EP400: variants seen among roughly 807,000 people sequenced by gnomAD.
EP400 encodes the protein E1A binding protein p400.
EP400 carries 105 observed loss-of-function variants against 354.1 expected under a neutral mutation model. The ratio of observed to expected loss-of-function variants is 0.30; its 90% CI spans 0.25 to 0.35. The LOEUF is 0.35. Among genes scored for constraint, EP400 ranks in the 10% least tolerant of loss-of-function variants. The pLI, the probability that EP400 is intolerant of heterozygous loss-of-function variation, is 1.00. For synonymous variants in EP400, 1,646 were observed against 1,716.9 expected (o/e 0.96, Z 1.02); for missense variants, 3,280 against 4,121.0 (o/e 0.80, Z 5.59).
At chr12:132,021,662 G>T (rs561540145) in intron 23 of EP400, among the ~76,000 whole-genome samples, 1 of 152,358 alleles carries the variant, frequency 6.6e-6, no homozygotes, top group East Asian at 1.9e-4. Flanking sequence ...GGTGCACTCT[G>T]GGGGAGCAGA....
At chr12:131,962,098 T>A in intron 2 of EP400, 144 bp downstream of exon 2, 1 of 1,156,192 alleles carries the variant, frequency 8.6e-7, no homozygotes, top group Non-Finnish European at 1.2e-6. Context: ...GACCCATAAG[T>A]AAAAGTGAAG....
Position 132,015,241 on chromosome 12 carries a change from G to A in EP400, c.3923+1328G>A, listed in dbSNP as rs769737045. On this transcript the variant is annotated intron_variant, in intron 19 of 52. Transcript: ENST00000389561. ...TACAACCGTCCTTTCTCCAAGAGGC[G>A]GAGCAGTGGAGCAGCACTTCATTCC... is the stretch of plus-strand genomic sequence containing the variant. Among the ~76,000 whole-genome samples, 9 of 152,340 alleles carry A rather than the reference G, an allele frequency of 5.9e-5. No individual in the cohort carries two copies. In the South Asian group the frequency reaches 6.2e-4, roughly 11 times the overall value.
At chr12:131,991,495 T>TGTGTGTGTG in intron 10 of EP400, 39 bp downstream of exon 10, 1 of 1,594,992 alleles carries the variant, frequency 6.3e-7, no homozygotes, top group African/African-American at 1.3e-5. Flanking sequence ...TGAGAAGGAG[T>TGTGTGTGTG]AGAAGCAGCT....
intron 25 of EP400, among the ~76,000 whole-genome samples, chr12:132,026,611 T>C (rs1253644997): frequency 6.6e-6 from 1 of 152,134 alleles, no homozygotes. Flanking sequence ...CCAGGCATCT[T>C]GGGGATTCCA....
At chr12:132,045,242 C>G (rs1895051742) in intron 37 of EP400, 77 bp from the exon 38 acceptor site, 1 of 1,573,660 alleles carries the variant, frequency 6.4e-7, no homozygotes, top group African/African-American at 1.4e-5. Context: ...CTTGCCTGAC[C>G]TGTTTCCTTT....
intron 45 of EP400, among the ~76,000 whole-genome samples, chr12:132,059,830 C>T (rs556628612): frequency 2.6e-5 from 4 of 151,750 alleles, no homozygotes; most frequent in African/African-American, 9.7e-5. Context: ...TTCTGGCTAA[C>T]ACGGTGAAAC....
rs146160103 is a variant in EP400, at chr12:132,046,398, G to A, written c.7200+498G>A. ...AGGTTTTGGGTGAATGAAAAGATAA[G>A]TTGATAAGCTGTCTCGCTTTGTTTT... On this transcript the variant is annotated intron_variant, in intron 39 of 52. Transcript: ENST00000389561. 1.4e-4 allele frequency among the ~76,000 whole-genome samples: 21 copies of A among 152,288 alleles called. No individual in the cohort carries two copies. In the East Asian group the frequency reaches 3.9e-3, roughly 28 times the overall value.
At position 132,013,236 on chromosome 12, in the gene EP400, C is replaced by G. The variant is rs1293219631; in HGVS notation, c.3611+58C>G. 1 of 1,543,776 alleles carries G rather than the reference C, an allele frequency of 6.5e-7. No individual in the cohort carries two copies. The highest frequency in any genetic ancestry group is 8.8e-7 in the Non-Finnish European group (1 of 1,141,840). The stretch of plus-strand genomic sequence containing the variant: ...CTTTGCTGTTGATGTAGAAGATTCT[C>G]TTGAAGAAATCTGCATAATTGCAGA... On this transcript the variant is annotated intron_variant, in intron 17 of 52. Transcript: ENST00000389561. The surrounding 1 kb of genome is among the most constrained non-coding windows in gnomAD (Gnocchi z 4.5).
intron 2 of EP400, among the ~76,000 whole-genome samples, chr12:131,965,643 C>T (rs1030533527): frequency 5.3e-5 from 8 of 152,168 alleles, no homozygotes; most frequent in African/African-American, 1.9e-4. Flanking sequence ...ACCCTTCACG[C>T]CTCCCTTGAC....
intron 16 of EP400, among the ~76,000 whole-genome samples, chr12:132,012,095 A>C (rs938337491): frequency 6.6e-6 from 1 of 152,206 alleles, no homozygotes; most frequent in African/African-American, 2.4e-5. Flanking sequence ...TCTGCCCTAT[A>C]GTTTCTAGTA....
intron 47 of EP400, among the ~76,000 whole-genome samples, chr12:132,063,684 G>T (rs963219990): frequency 6.6e-6 from 1 of 152,140 alleles, no homozygotes; most frequent in Non-Finnish European, 1.5e-5. Flanking sequence ...GGGAGGAAGT[G>T]GGCTGCAGGA....
intron 41 of EP400, among the ~76,000 whole-genome samples, chr12:132,051,598 C>T (rs961835202): frequency 5.3e-5 from 8 of 152,170 alleles, no homozygotes; most frequent in Non-Finnish European, 1.0e-4. Flanking sequence ...TTCTGCTTAT[C>T]GGAGACTTTT....
intron 39 of EP400, among the ~76,000 whole-genome samples, chr12:132,047,511 C>G (rs1375100093): frequency 6.6e-6 from 1 of 152,136 alleles, no homozygotes; most frequent in African/African-American, 2.4e-5. Context: ...GTGATGCCCC[C>G]TGAGCAGTAA....
At chr12:132,026,287 C>T (rs963405316) in intron 25 of EP400, among the ~76,000 whole-genome samples, 5 of 152,222 alleles carry the variant, frequency 3.3e-5, no homozygotes, top group Admixed American at 1.3e-4. Context: ...GTGGTGTGTC[C>T]TCTGGAACCC....
At chr12:131,974,281 T>G (rs1892393794) in intron 2 of EP400, among the ~76,000 whole-genome samples, 1 of 151,826 alleles carries the variant, frequency 6.6e-6, no homozygotes, top group African/African-American at 2.4e-5. Context: ...GCCTGGCCAG[T>G]TTTTTAATTT....
chr12:131,981,237 G>A (rs1024760177), intron 3 of EP400, among the ~76,000 whole-genome samples: 8 of 152,256 alleles, frequency 5.3e-5, no homozygotes, highest in African/African-American at 9.6e-5. Flanking sequence ...ACCTCTGCCC[G>A]TCACACACGT....
At position 132,029,908 on chromosome 12, in the gene EP400, G is replaced by T. The variant is rs1330045657; in HGVS notation, c.5584+5G>T. 6.2e-7 allele frequency: 1 copy of T among 1,612,082 alleles called. No individual in the cohort carries two copies. Among genetic ancestry groups the T allele is most frequent in the African/African-American group, 1.3e-5 (1 of 75,062 alleles). ...GGCTGGTGCAGTTCGACTCAGGTAT[G>T]CGGCAGTTGGGGGCGTGGCCCGTGC... On this transcript the variant is annotated splice_donor_5th_base_variant and intron_variant, in intron 28 of 52. Coordinates refer to ENST00000389561, the MANE Select transcript of EP400 (RefSeq NM_015409.5). The surrounding 1 kb of genome is among the most constrained non-coding windows in gnomAD (Gnocchi z 4.7).
intron 6 of EP400, among the ~76,000 whole-genome samples, chr12:131,987,067 C>T (rs920971226): frequency 4.6e-5 from 7 of 152,150 alleles, no homozygotes; most frequent in Non-Finnish European, 8.8e-5. Flanking sequence ...GGAGAGGTCA[C>T]GTGTAGCAGT....
Position 132,077,426 on chromosome 12 carries a change from C to T in EP400, c.9125C>T (p.Thr3042Met), listed in dbSNP as rs146777207. ...QQASPQTVALTQATAAGQQVQ... is the reference protein window; with the variant it reads ...QQASPQTVALMQATAAGQQVQ... ...GCTTCTCCACAGACTGTGGCGCTCA[C>T]GCAGGCGACGGCGGCCGGGCAGCAG... Residue 3042 changes from threonine to methionine, a missense_variant, in exon 53 of 53, where the codon ACG becomes ATG. Thr to Met is a moderately conservative substitution (Grantham distance 81). Coordinates refer to ENST00000389561, the MANE Select transcript of EP400 (RefSeq NM_015409.5). 5 of 1,612,264 alleles carry T rather than the reference C, an allele frequency of 3.1e-6. No individual in the cohort carries two copies. Among genetic ancestry groups the T allele is most frequent in the African/African-American group, 1.3e-5 (1 of 74,912 alleles).
Sources: gnomAD v4.1 joint callset for allele counts (sites outside exome capture counted in the v4.1 genomes callset) on GRCh38, gnomAD v4.1.1 for gene constraint, Gnocchi (gnomAD v3.1) non-coding constraint, MANE v1.5 for transcripts, NCBI Gene and HGNC (gene_info 2026-07-23, HGNC 2026-07-21) for gene names.